FAM107A: variants seen among roughly 807,000 people sequenced by gnomAD.
The protein encoded by FAM107A is family with sequence similarity 107 member A, also known as actin-associated protein FAM107A.
FAM107A carries 19 observed loss-of-function variants against 13.7 expected under a neutral mutation model. The ratio of observed to expected loss-of-function variants is 1.38; its 90% CI spans 0.97 to 2.03. The LOEUF (loss-of-function observed/expected upper bound fraction) is 2.03, where lower values mean the gene tolerates loss of function less well. FAM107A is among the 30% of genes most tolerant of loss of function. The pLI is 0.00. For missense variants in FAM107A, 203 were observed against 184.4 expected (o/e 1.10, Z -0.58); for synonymous variants, 82 against 74.5 (o/e 1.10, Z -0.52).
At chr3:58,612,231 G>A (rs2065861104) in intron 1 of FAM107A, among the ~76,000 whole-genome samples, 1 of 152,066 alleles carries the variant, frequency 6.6e-6, no homozygotes, top group Non-Finnish European at 1.5e-5. Flanking sequence ...AAAAATCAGG[G>A]ATTGGTCAAA....
chr3:58,612,829 A>C (rs1174198188), intron 1 of FAM107A, among the ~76,000 whole-genome samples: 1 of 152,174 alleles, frequency 6.6e-6, no homozygotes, highest in Non-Finnish European at 1.5e-5. Context: ...AGAAAAAATC[A>C]AATCACCTCT....
intron 1 of FAM107A, among the ~76,000 whole-genome samples, chr3:58,626,177 G>A (rs141774624): frequency 6.9e-4 from 104 of 150,668 alleles, no homozygotes; most frequent in African/African-American, 2.3e-3. Flanking sequence ...GGACAATCCC[G>A]AGAGCTGGTG....
chr3:58,626,024 C>G (rs763714912), intron 1 of FAM107A, among the ~76,000 whole-genome samples: 7 of 152,160 alleles, frequency 4.6e-5, no homozygotes, highest in Non-Finnish European at 7.3e-5. Flanking sequence ...TACCAGCCCC[C>G]CTTTATAAAC....
At chr3:58,582,301 C>G (rs554803022), upstream of FAM107A, among the ~76,000 whole-genome samples, 1 of 152,324 alleles carries the variant, frequency 6.6e-6, no homozygotes, top group Admixed American at 6.5e-5. Context: ...TATCTGGCAG[C>G]CCTACCTGGC....
chr3:58,626,567 C>T (rs565346204), intron 1 of FAM107A, among the ~76,000 whole-genome samples: 3 of 152,282 alleles, frequency 2.0e-5, no homozygotes, highest in African/African-American at 4.8e-5. Context: ...AAATAACTTG[C>T]CTATTGCCCT....
intron 1 of FAM107A, among the ~76,000 whole-genome samples, chr3:58,608,545 A>T (rs1467803173): frequency 6.6e-6 from 1 of 152,240 alleles, no homozygotes; most frequent in Admixed American, 6.5e-5. Flanking sequence ...AAGGTGGTAT[A>T]GTTATCCCCA....
chr3:58,593,666 C>T (rs9880775), intron 1 of FAM107A, among the ~76,000 whole-genome samples: 3,806 of 151,994 alleles, frequency 0.025, 176 homozygotes, highest in African/African-American at 0.088. Flanking sequence ...CTCTAACATA[C>T]TATCAATCTC....
intron 1 of FAM107A, chr3:58,586,849 C>G: frequency 1.3e-6 from 2 of 1,526,288 alleles, no homozygotes; most frequent in Non-Finnish European, 1.8e-6. Flanking sequence ...TGGCGTTGCT[C>G]CCACTTACCC....
chr3:58,589,330 G>A (rs944196674), upstream of FAM107A: 9 of 1,112,856 alleles, frequency 8.1e-6, no homozygotes, highest in African/African-American at 1.5e-5. Context: ...TGAGGGAGGG[G>A]TGATATATTC....
intron 1 of FAM107A, among the ~76,000 whole-genome samples, chr3:58,594,639 C>T (rs753859467): frequency 1.3e-5 from 2 of 152,212 alleles, no homozygotes; most frequent in Admixed American, 6.5e-5. Flanking sequence ...AATCAATTTG[C>T]AAATAGGTCC....
At chr3:58,589,822 A>G (rs999597748), upstream of FAM107A, among the ~76,000 whole-genome samples, 1 of 152,106 alleles carries the variant, frequency 6.6e-6, no homozygotes, top group African/African-American at 2.4e-5. Flanking sequence ...ACAGTTTCTC[A>G]GACTTTCTTT....
chr3:58,603,570 G>A (rs926890743), intron 1 of FAM107A, among the ~76,000 whole-genome samples: 5 of 152,162 alleles, frequency 3.3e-5, no homozygotes, highest in Admixed American at 6.5e-5. Flanking sequence ...GGGGGATGCC[G>A]TGGGAAGTCT....
chr3:58,566,028 T>A lies in FAM107A; in HGVS notation c.*560A>T, dbSNP rs2063616791. On this transcript the variant is annotated 3_prime_UTR_variant, in exon 4 of 4. Transcript: ENST00000360997. ...GGGAGAAGACCCTAAACAGCTGTCT[T>A]TGTTAGTCCCCGCCCACCTGGCCGG... The A allele has an allele frequency of 6.6e-6, 1 of 152,248 alleles. No homozygotes were observed. Among genetic ancestry groups the A allele is most frequent in the African/African-American group, 2.4e-5 (1 of 41,366 alleles). The allele number at this position is 152,248 out of a possible 1,614,324, so 9.4% of individuals were successfully genotyped here.
At chr3:58,595,170 C>T (rs537639513) in intron 1 of FAM107A, among the ~76,000 whole-genome samples, 12 of 151,950 alleles carry the variant, frequency 7.9e-5, no homozygotes, top group Non-Finnish European at 1.5e-4. Flanking sequence ...TGAGAAACAT[C>T]GCCCATTATC....
chr3:58,586,765 C>T, intron 1 of FAM107A: 6 of 1,290,710 alleles, frequency 4.6e-6, no homozygotes, highest in Non-Finnish European at 6.1e-6. Context: ...AGCAGAGGCG[C>T]CCAGCGGCGG....
rs1045346856 is a variant in FAM107A, at chr3:58,587,070, C to T, written c.-134G>A. 13 of 1,358,480 alleles carry T rather than the reference C, an allele frequency of 9.6e-6. No homozygotes were observed. The Admixed American group carries it at 1.1e-4, about 12-fold the overall frequency. 84.2% of individuals were successfully genotyped at this position (1,358,480 alleles called of 1,614,324 possible). On this transcript the variant is annotated 5_prime_UTR_variant, in exon 1 of 4. Coordinates refer to the FAM107A transcript ENST00000447756. ...CCAAACCCCGCTGAGGGTCAAGTTA[C>T]GGCGGCGGCCGGAGGGGCGGGCGAG...
In FAM107A at chr3:58,566,470, A is replaced by G; in HGVS notation, c.*118T>C. 2 of 736,938 alleles carry G rather than the reference A, an allele frequency of 2.7e-6. No individual in the cohort carries two copies. Among genetic ancestry groups the G allele is most frequent in the Non-Finnish European group, 4.6e-6 (2 of 436,614 alleles). The allele number at this position is 736,938 out of a possible 1,614,324, so 45.6% of individuals were successfully genotyped here. A position where few individuals can be genotyped will look rare whatever the true frequency, so the allele number is the denominator to read the frequency against. On this transcript the variant is annotated 3_prime_UTR_variant, in exon 4 of 4. Transcript: ENST00000360997. ...CTCTGGGGTGACACATTTCTACAGA[A>G]GCAGGTGGGAACATCACAGACGTCC...
At chr3:58,583,756 T>A (rs1216229757) in intron 1 of FAM107A, among the ~76,000 whole-genome samples, 1 of 152,022 alleles carries the variant, frequency 6.6e-6, no homozygotes, top group Non-Finnish European at 1.5e-5. Context: ...ACACAGCTCA[T>A]GGCAGCCTCA....
exon 1 of FAM107A, chr3:58,587,026 G>A: frequency 3.6e-6 from 5 of 1,373,012 alleles, no homozygotes; most frequent in Non-Finnish European, 4.7e-6. Flanking sequence ...CCTCCGCGAC[G>A]GTGACGCGGC....
Sources: allele counts gnomAD v4.1 joint callset (sites outside exome capture counted in the v4.1 genomes callset), GRCh38; gene constraint gnomAD v4.1.1; transcripts MANE v1.5; gene names NCBI Gene and HGNC (gene_info 2026-07-23, HGNC 2026-07-21).